The following PTPRN2 variants were observed in gnomAD, a reference collection of about 807,000 sequenced individuals.
PTPRN2 encodes the protein receptor-type tyrosine-protein phosphatase N2.
PTPRN2 carries 74 observed loss-of-function variants against 118.8 expected under a neutral mutation model. The ratio of observed to expected loss-of-function variants is 0.62; its 90% CI spans 0.52 to 0.76. The LOEUF (loss-of-function observed/expected upper bound fraction) is 0.76, where lower values mean the gene tolerates loss of function less well. Ranked by LOEUF, PTPRN2 falls within the 30% of genes least tolerant of loss-of-function variation. The pLI is 0.00. For missense variants in PTPRN2, 1,481 were observed against 1,394.4 expected (o/e 1.06, Z -0.99); for synonymous variants, 641 against 608.0 (o/e 1.05, Z -0.80).
At position 157,587,267 on chromosome 7, in the gene PTPRN2, C is replaced by A. The variant is rs1024556595; in HGVS notation, c.2496+7971G>T. Reference sequence around the variant, plus strand: ...CGAGACAGGCAGACAGACAGGCAGACAAACAGGCAGACAGGCAGACGAGCC... The same window carrying A: ...CGAGACAGGCAGACAGACAGGCAGAAAAACAGGCAGACAGGCAGACGAGCC... On this transcript the variant is annotated intron_variant, in intron 17 of 22. Transcript: ENST00000389418. The surrounding 1 kb of genome is among the most constrained non-coding windows in gnomAD (Gnocchi z 5.3). 7.2e-6 allele frequency among the ~76,000 whole-genome samples: 1 copy of A among 138,466 alleles called. No homozygotes were observed. The highest frequency in any genetic ancestry group is 1.5e-5 in the Non-Finnish European group (1 of 65,818). The allele number at this position is 138,466 out of a possible 152,430, so 90.8% of individuals were successfully genotyped here. A position where few individuals can be genotyped will look rare whatever the true frequency, so the allele number is the denominator to read the frequency against.
intron 10 of PTPRN2, among the ~76,000 whole-genome samples, chr7:158,107,510 A>C (rs1413078973): frequency 6.6e-6 from 1 of 152,076 alleles, no homozygotes; most frequent in Non-Finnish European, 1.5e-5. Flanking sequence ...CACTCTGGGA[A>C]CAACAGGCCC....
intron 11 of PTPRN2, among the ~76,000 whole-genome samples, chr7:157,961,529 T>C (rs1313182906): frequency 2.5e-5 from 3 of 120,526 alleles, no homozygotes; most frequent in African/African-American, 7.7e-5. Flanking sequence ...ACAGACTCTG[T>C]CTCAAAAAAA....
At chr7:158,124,867 G>A (rs907439705) in intron 9 of PTPRN2, among the ~76,000 whole-genome samples, 2 of 152,250 alleles carry the variant, frequency 1.3e-5, no homozygotes. Context: ...GCCAGATTTG[G>A]TTTTGTCGAG....
chr7:158,196,891 G>A (rs1321560848), intron 4 of PTPRN2, among the ~76,000 whole-genome samples: 4 of 152,150 alleles, frequency 2.6e-5, no homozygotes, highest in Non-Finnish European at 4.4e-5. Context: ...GGCTCTCTTA[G>A]AAATACGACA....
At chr7:158,014,668 T>G (rs1563329059) in intron 11 of PTPRN2, among the ~76,000 whole-genome samples, 1 of 151,534 alleles carries the variant, frequency 6.6e-6, no homozygotes, top group East Asian at 2.0e-4. Flanking sequence ...CATCCATCCA[T>G]CTATTTACCC....
intron 10 of PTPRN2, among the ~76,000 whole-genome samples, chr7:158,083,189 G>A (rs1389572791): frequency 2.6e-5 from 4 of 152,120 alleles, no homozygotes; most frequent in Admixed American, 1.3e-4. Context: ...CCTTCTTCCC[G>A]AGCACAGGAT....
Position 158,286,237 on chromosome 7 carries a change from C to A in PTPRN2, c.277+30582G>T, listed in dbSNP as rs1181089275. On this transcript the variant is annotated intron_variant, in intron 3 of 22. Transcript: ENST00000389418. ...TGCAAATTTACTGAATTTATTAGCT[C>A]TAACAGTGTTTTTGGTGGCATCTTT... Among the ~76,000 whole-genome samples, 4 of 152,332 alleles carry A rather than the reference C, an allele frequency of 2.6e-5. No homozygotes were observed. In the South Asian group the frequency reaches 6.2e-4, roughly 24 times the overall value.
intron 2 of PTPRN2, among the ~76,000 whole-genome samples, chr7:158,365,877 A>C (rs2151304150): frequency 8.4e-6 from 1 of 119,230 alleles, no homozygotes; most frequent in Non-Finnish European, 1.7e-5. Flanking sequence ...CCCTGGGAGA[A>C]GCCGCAGCCC....
intron 12 of PTPRN2, among the ~76,000 whole-genome samples, chr7:157,795,579 G>A (rs1804819364): frequency 6.6e-6 from 1 of 152,242 alleles, no homozygotes; most frequent in Non-Finnish European, 1.5e-5. Context: ...TCTGACATTT[G>A]CCCAAACTAA....
chr7:158,498,672 C>A (rs1440431434), intron 1 of PTPRN2, among the ~76,000 whole-genome samples: 1 of 152,074 alleles, frequency 6.6e-6, no homozygotes, highest in African/African-American at 2.4e-5. Context: ...TCTAACCTTG[C>A]TTTCACAGAT....
chr7:158,092,171 G>C (rs1814232076), intron 10 of PTPRN2, among the ~76,000 whole-genome samples: 1 of 151,044 alleles, frequency 6.6e-6, no homozygotes, highest in Non-Finnish European at 1.5e-5. Context: ...TGGGAGGGCA[G>C]AGATATATAT....
intron 12 of PTPRN2, among the ~76,000 whole-genome samples, chr7:157,761,538 G>A (rs1802129539): frequency 6.6e-6 from 1 of 151,018 alleles, no homozygotes; most frequent in Non-Finnish European, 1.5e-5. Context: ...GGGAAAACTG[G>A]CTAGCCATAT....
intron 2 of PTPRN2, among the ~76,000 whole-genome samples, chr7:158,472,870 G>A (rs191829196): frequency 1.3e-5 from 2 of 152,266 alleles, no homozygotes; most frequent in East Asian, 1.9e-4. Flanking sequence ...CAGCAGTGGC[G>A]GCGGGGCGGG....
intron 2 of PTPRN2, among the ~76,000 whole-genome samples, chr7:158,424,339 C>A (rs1024985209): frequency 6.6e-6 from 1 of 152,222 alleles, no homozygotes; most frequent in Non-Finnish European, 1.5e-5. Context: ...GGAATTCCGT[C>A]AAGGAGCAAA....
intron 10 of PTPRN2, among the ~76,000 whole-genome samples, chr7:158,101,459 A>C (rs1206148363): frequency 1.3e-5 from 2 of 152,244 alleles, no homozygotes; most frequent in African/African-American, 4.8e-5. Flanking sequence ...ACATTGGCTT[A>C]GGCAAAGACT....
chr7:157,955,385 C>T (rs564416540), intron 11 of PTPRN2, among the ~76,000 whole-genome samples: 19 of 151,958 alleles, frequency 1.3e-4, no homozygotes, highest in Admixed American at 2.0e-4. Flanking sequence ...AATGCTGAGC[C>T]GGGCTCACAT....
Position 157,797,012 on chromosome 7 carries a change from C to T in PTPRN2, c.1788+101661G>A, listed in dbSNP as rs149692704. Among the ~76,000 whole-genome samples, 423 of 152,290 alleles carry T rather than the reference C, an allele frequency of 2.8e-3. 6 individuals carry two copies. Among genetic ancestry groups the T allele is most frequent in the African/African-American group, 9.5e-3 (393 of 41,564 alleles). On this transcript the variant is annotated intron_variant, in intron 12 of 22. Coordinates refer to ENST00000389418, the MANE Select transcript of PTPRN2 (RefSeq NM_002847.5). ...CTCGAGTTCCGACTCGCCGCTCAGA[C>T]GAACTCACGGCTCAGCTGGGAGAAT...
chr7:158,239,756 C>A (rs78995598), intron 3 of PTPRN2, among the ~76,000 whole-genome samples: 1 of 152,202 alleles, frequency 6.6e-6, no homozygotes, highest in South Asian at 2.1e-4. Flanking sequence ...TCTGGATGCA[C>A]GCCAAGACAA....
intron 14 of PTPRN2, among the ~76,000 whole-genome samples, chr7:157,628,205 A>G (rs1803704010): frequency 6.6e-6 from 1 of 152,230 alleles, no homozygotes; most frequent in African/African-American, 2.4e-5. Flanking sequence ...TTTGTGTAAC[A>G]AAAGTGTGAT....
Sources: gnomAD v4.1 joint callset for allele counts (sites outside exome capture counted in the v4.1 genomes callset) on GRCh38, gnomAD v4.1.1 for gene constraint, Gnocchi (gnomAD v3.1) non-coding constraint, MANE v1.5 for transcripts, NCBI Gene and HGNC (gene_info 2026-07-23, HGNC 2026-07-21) for gene names.